Variants in DNAH9 observed in about 807,000 individuals in gnomAD.
DNAH9 encodes dynein axonemal heavy chain 9.
DNAH9 carries 345 observed loss-of-function variants against 471.6 expected under a neutral mutation model. The ratio of observed to expected loss-of-function variants is 0.73; its 90% CI spans 0.67 to 0.80. DNAH9 has a LOEUF of 0.80. Among genes scored for constraint, DNAH9 ranks in the 30% least tolerant of loss-of-function variants. DNAH9 has a pLI of 0.00. For missense variants in DNAH9, 5,407 were observed against 5,609.2 expected (o/e 0.96, Z 1.15); for synonymous variants, 2,093 against 2,123.6 (o/e 0.99, Z 0.40).
intron 28 of DNAH9, among the ~76,000 whole-genome samples, chr17:11,730,272 T>C (rs1490385007): frequency 3.9e-5 from 6 of 152,120 alleles, no homozygotes; most frequent in Non-Finnish European, 7.4e-5. Context: ...GAGTGTAGCT[T>C]GAAATGGGCT....
At chr17:11,640,145 C>T (rs1172252756) in intron 9 of DNAH9, 125 bp from the exon 10 acceptor site, 4 of 646,938 alleles carry the variant, frequency 6.2e-6, no homozygotes, top group Admixed American at 2.5e-5. Context: ...CTCCAGTGTG[C>T]TCCCAGGTGA....
At chr17:11,687,119 T>A (rs1433378165) in intron 19 of DNAH9, among the ~76,000 whole-genome samples, 1 of 152,106 alleles carries the variant, frequency 6.6e-6, no homozygotes, top group Non-Finnish European at 1.5e-5. Flanking sequence ...CCTCTCTCTA[T>A]ATATATGTAG....
At position 11,892,849 on chromosome 17, in the gene DNAH9, T is replaced by C. The variant is rs9910523; in HGVS notation, c.11283+902T>C. ...GATTACAGGCATGAGCCATTGCATC[T>C]GGCCTAATTTACTTCCTTTTACATG... On this transcript the variant is annotated intron_variant, in intron 58 of 68. Coordinates refer to ENST00000262442, the MANE Select transcript of DNAH9 (RefSeq NM_001372.4). The surrounding 1 kb of genome is among the most constrained non-coding windows in gnomAD (Gnocchi z 4.3). 0.76 allele frequency among the ~76,000 whole-genome samples: 115,670 copies of C among 151,994 alleles called. 46,284 individuals carry two copies. Among genetic ancestry groups the C allele is most frequent in the Non-Finnish European group, 0.89 (60,426 of 68,008 alleles).
intron 3 of DNAH9, 103 bp from the exon 4 acceptor site, chr17:11,611,547 C>T (rs1052991411): frequency 2.3e-5 from 28 of 1,234,016 alleles, no homozygotes; most frequent in Non-Finnish European, 3.1e-5. Context: ...GTGGAAGCAC[C>T]CCGAGGCAGG....
chr17:11,877,159 A>G (rs1972524733), intron 53 of DNAH9, among the ~76,000 whole-genome samples: 3 of 151,478 alleles, frequency 2.0e-5, no homozygotes, highest in Admixed American at 1.3e-4. Flanking sequence ...AAATATATTA[A>G]TTAATAAATA....
rs924043796 is a variant in DNAH9, at chr17:11,781,819, G to A, written c.7718+645G>A. On this transcript the variant is annotated intron_variant, in intron 39 of 68. Coordinates refer to ENST00000262442, the MANE Select transcript of DNAH9 (RefSeq NM_001372.4). ...TGCACTCCAGCCTGGGCAACAGAGC[G>A]AGACTCCATCTTAAAAAAAAAAAAC... 1.8e-4 allele frequency among the ~76,000 whole-genome samples: 25 copies of A among 137,824 alleles called. 1 individual carries two copies. The East Asian group carries it at 3.9e-3, about 21-fold the overall frequency. 90.4% of individuals were successfully genotyped at this position (137,824 alleles called of 152,430 possible).
chr17:11,943,078 G>A (rs1567566864), intron 67 of DNAH9, among the ~76,000 whole-genome samples: 1 of 151,410 alleles, frequency 6.6e-6, no homozygotes, highest in Non-Finnish European at 1.5e-5. Flanking sequence ...GTATTTTTAG[G>A]AGAGATGGGG....
chr17:11,792,000 G>A (rs1969082455), intron 41 of DNAH9, among the ~76,000 whole-genome samples: 2 of 151,990 alleles, frequency 1.3e-5, no homozygotes, highest in African/African-American at 2.4e-5. Context: ...GATCATGAGG[G>A]GCTGGGCACA....
chr17:11,629,330 T>C, intron 6 of DNAH9, 87 bp from the exon 7 acceptor site: 1 of 886,552 alleles, frequency 1.1e-6, no homozygotes, highest in South Asian at 1.5e-5. Flanking sequence ...TTCCCACCTA[T>C]GAGTGAGAAC....
At chr17:11,858,661 T>C (rs1306451142) in intron 50 of DNAH9, among the ~76,000 whole-genome samples, 1 of 152,234 alleles carries the variant, frequency 6.6e-6, no homozygotes, top group African/African-American at 2.4e-5. Flanking sequence ...TATTTTTTGA[T>C]GTATCTTATT....
intron 53 of DNAH9, among the ~76,000 whole-genome samples, chr17:11,876,165 T>C (rs1463199720): frequency 6.6e-6 from 1 of 152,104 alleles, no homozygotes; most frequent in Admixed American, 6.5e-5. Flanking sequence ...GCAGCATTAT[T>C]CATAATAGAC....
At chr17:11,668,959 G>A (rs989079732) in intron 15 of DNAH9, 105 bp from the exon 16 acceptor site, 7 of 781,890 alleles carry the variant, frequency 9.0e-6, no homozygotes, top group Non-Finnish European at 1.5e-5. Flanking sequence ...CAGTCTAGCA[G>A]CCTATCTAAA....
At chr17:11,826,663 C>A (rs1361642642) in intron 48 of DNAH9, among the ~76,000 whole-genome samples, 1 of 149,882 alleles carries the variant, frequency 6.7e-6, no homozygotes, top group East Asian at 2.0e-4. Flanking sequence ...GGGGTTTCAC[C>A]GTGTTAGCCA....
chr17:11,728,759 C>T (rs903487390), intron 28 of DNAH9, among the ~76,000 whole-genome samples: 2 of 152,122 alleles, frequency 1.3e-5, no homozygotes, highest in Non-Finnish European at 2.9e-5. Context: ...AGGCACTTTT[C>T]ATACATCATC....
In DNAH9 at chr17:11,666,964, A is replaced by G. The variant is rs561625158; in HGVS notation, c.2731+1996A>G. Reference sequence around the variant, plus strand: ...TCAACCCAAACCCTGCATAGGTTATATGCTTCCCACTCCATAGAGAAATGT... The same window carrying G: ...TCAACCCAAACCCTGCATAGGTTATGTGCTTCCCACTCCATAGAGAAATGT... On this transcript the variant is annotated intron_variant, in intron 15 of 68. Transcript: ENST00000262442. Among the ~76,000 whole-genome samples, 10 of 152,248 alleles carry G rather than the reference A, an allele frequency of 6.6e-5. No homozygotes were observed. The East Asian group carries it at 1.9e-3, about 29-fold the overall frequency.
intron 22 of DNAH9, among the ~76,000 whole-genome samples, chr17:11,698,365 T>C (rs1567729024): frequency 8.7e-6 from 1 of 114,786 alleles, no homozygotes. Flanking sequence ...ATATTATATA[T>C]AAAATAACAT....
At chr17:11,935,782 A>C (rs1286346182) in intron 65 of DNAH9, among the ~76,000 whole-genome samples, 2 of 152,210 alleles carry the variant, frequency 1.3e-5, no homozygotes, top group Non-Finnish European at 2.9e-5. Flanking sequence ...ATTAACTGCA[A>C]GCTTTAAAAA....
In DNAH9 at chr17:11,656,784, T is replaced by C. The variant is rs2150709917; in HGVS notation, c.2595+3782T>C. On this transcript the variant is annotated intron_variant, in intron 14 of 68. Coordinates refer to ENST00000262442, the MANE Select transcript of DNAH9 (RefSeq NM_001372.4). The stretch of plus-strand genomic sequence containing the variant: ...TTCTCCTGCGAGCCTCAATCACTGA[T>C]CAGCTTTTTGTCAATATAGAGTAGA... Among the ~76,000 whole-genome samples, 4 of 152,258 alleles carry C rather than the reference T, an allele frequency of 2.6e-5. 1 individual carries two copies. In the South Asian group the frequency reaches 8.3e-4, roughly 32 times the overall value.
At chr17:11,671,409 G>C (rs75840209) in intron 17 of DNAH9, among the ~76,000 whole-genome samples, 6 of 152,172 alleles carry the variant, frequency 3.9e-5, no homozygotes, top group Non-Finnish European at 7.3e-5. Flanking sequence ...GAAGCAGAGG[G>C]GGGGCAGAGA....
Sources: gnomAD v4.1 joint callset for allele counts (sites outside exome capture counted in the v4.1 genomes callset) on GRCh38, gnomAD v4.1.1 for gene constraint, Gnocchi (gnomAD v3.1) non-coding constraint, MANE v1.5 for transcripts, NCBI Gene and HGNC (gene_info 2026-07-23, HGNC 2026-07-21) for gene names.